ATP2B2: variants seen among roughly 807,000 people sequenced by gnomAD.
ATP2B2 encodes ATPase plasma membrane Ca2+ transporting 2.
ATP2B2 carries 15 observed loss-of-function variants against 120.0 expected under a neutral mutation model. The ratio of observed to expected loss-of-function variants is 0.12; its 90% CI spans 0.08 to 0.19. The LOEUF is 0.19. Among genes scored for constraint, ATP2B2 ranks in the 10% least tolerant of loss-of-function variants. The pLI is 1.00. For missense variants in ATP2B2, 1,045 were observed against 1,719.8 expected (o/e 0.61, Z 6.94); for synonymous variants, 694 against 700.3 (o/e 0.99, Z 0.14).
At chr3:10,472,324 T>C (rs13067215) in intron 1 of ATP2B2, among the ~76,000 whole-genome samples, 21,917 of 151,826 alleles carry the variant, frequency 0.14, 2,202 homozygotes, top group East Asian at 0.42. Context: ...CAAAGATGAG[T>C]TGGGTCTCAG....
chr3:10,612,835 A>C (rs2069279396), intron 2 of ATP2B2, among the ~76,000 whole-genome samples: 1 of 152,228 alleles, frequency 6.6e-6, no homozygotes, highest in Non-Finnish European at 1.5e-5. Context: ...GTTGTATAAT[A>C]AAACTTTGAC....
chr3:10,518,070 T>G (rs1382980652), intron 3 of ATP2B2, among the ~76,000 whole-genome samples: 1 of 152,106 alleles, frequency 6.6e-6, no homozygotes, highest in Non-Finnish European at 1.5e-5. Flanking sequence ...GCTTGAAACC[T>G]CACAGCAAAA....
rs183462317 is a variant in ATP2B2 at position 10,511,628 on chromosome 3, A to G, written c.-320+22411T>C. Reference sequence around the variant, plus strand: ...TTGGGAAGGGTAAAAGGAGACCCCAACTCCACTCAGATCCCACTGCCCAGA... The same window carrying G: ...TTGGGAAGGGTAAAAGGAGACCCCAGCTCCACTCAGATCCCACTGCCCAGA... On this transcript the variant is annotated intron_variant, in intron 3 of 21. Transcript: ENST00000646379. Among the ~76,000 whole-genome samples the G allele has an allele frequency of 3.7e-3, 564 of 152,104 alleles. 8 individuals carry two copies. The highest frequency in any genetic ancestry group is 1.4e-3 in the East Asian group (7 of 5,160).
intron 2 of ATP2B2, among the ~76,000 whole-genome samples, chr3:10,429,892 T>C (rs1327481227): frequency 6.6e-6 from 1 of 152,162 alleles, no homozygotes; most frequent in South Asian, 2.1e-4. Context: ...AAAGTTTGAG[T>C]GGTTTGGATA....
intron 2 of ATP2B2, among the ~76,000 whole-genome samples, chr3:10,535,762 A>G (rs2067301345): frequency 6.6e-6 from 1 of 152,198 alleles, no homozygotes; most frequent in African/African-American, 2.4e-5. Context: ...TTGTTTAACT[A>G]TCAATCAGTG....
At chr3:10,439,611 C>T (rs2063589701) in intron 2 of ATP2B2, among the ~76,000 whole-genome samples, 1 of 152,204 alleles carries the variant, frequency 6.6e-6, no homozygotes, top group African/African-American at 2.4e-5. Flanking sequence ...TGCCCCAACC[C>T]AGGCTTTTGG....
chr3:10,408,540 T>C (rs1471104122), intron 3 of ATP2B2, among the ~76,000 whole-genome samples: 2 of 152,090 alleles, frequency 1.3e-5, no homozygotes. Flanking sequence ...GAAGCTGCCT[T>C]GGACCAGGGG....
At chr3:10,426,687 C>T (rs1457056808) in intron 2 of ATP2B2, among the ~76,000 whole-genome samples, 3 of 152,124 alleles carry the variant, frequency 2.0e-5, no homozygotes, top group African/African-American at 4.8e-5. Flanking sequence ...TACTACTGGG[C>T]GAAAAAGCTG....
chr3:10,456,165 A>G (rs60339066), intron 1 of ATP2B2, among the ~76,000 whole-genome samples: 5,693 of 152,326 alleles, frequency 0.037, 144 homozygotes, highest in Admixed American at 0.064. Context: ...TAAAAAAATA[A>G]ACAAAACAAA....
At position 10,352,619 on chromosome 3, in the gene ATP2B2, G is replaced by A. The variant is rs371803387; in HGVS notation, c.2137-2042C>T. Among the ~76,000 whole-genome samples the A allele has an allele frequency of 1.8e-4, 27 of 152,346 alleles. No homozygotes were observed. The East Asian group carries it at 4.6e-3, about 26-fold the overall frequency. On this transcript the variant is annotated intron_variant, in intron 14 of 22. Coordinates refer to ENST00000360273, the MANE Select transcript of ATP2B2 (RefSeq NM_001001331.4). ...GGGAGAAGCCTTCCAGTGCCCACTC[G>A]GGGTTTGGGGGCCACGTGAGCAAGG...
intron 10 of ATP2B2, among the ~76,000 whole-genome samples, chr3:10,376,518 C>A (rs751938904): frequency 6.6e-6 from 1 of 152,120 alleles, no homozygotes; most frequent in Non-Finnish European, 1.5e-5. Context: ...ACGGTAGGAA[C>A]GCAGCTGGGG....
intron 14 of ATP2B2, among the ~76,000 whole-genome samples, chr3:10,351,493 G>A (rs1271482297): frequency 6.6e-6 from 1 of 152,226 alleles, no homozygotes; most frequent in South Asian, 2.1e-4. Flanking sequence ...CAGCCTGGAA[G>A]GGCTCAGTCT....
At chr3:10,482,671 CCT>C (rs1345704997) in intron 1 of ATP2B2, among the ~76,000 whole-genome samples, 4 of 152,324 alleles carry the variant, frequency 2.6e-5, no homozygotes, top group Non-Finnish European at 4.4e-5. Flanking sequence ...AGGTCTCCCC[CCT>C]GAGGCCTCGC....
chr3:10,586,058 G>A (rs1449616258), intron 2 of ATP2B2, among the ~76,000 whole-genome samples: 1 of 152,150 alleles, frequency 6.6e-6, no homozygotes, highest in Non-Finnish European at 1.5e-5. Context: ...CCATCCTATA[G>A]TGCTGTCCCC....
In ATP2B2 at chr3:10,471,364, CTGTGTGTGTGTGTGTGTGTGTG is replaced by C. The variant is rs58583936; in HGVS notation, c.-319-21524_-319-21503del. On this transcript the variant is annotated intron_variant, in intron 1 of 22. Transcript: ENST00000360273. ...TGGTTTTAAAAGGGGTTCAGGAAAC[CTGTGTGTGTGTGTGTGTGTGTG>C]TGTGTGTGTGTGTTTGTGTGCGTGC... Among the ~76,000 whole-genome samples the C allele has an allele frequency of 2.7e-5, 4 of 150,358 alleles. No homozygotes were observed. In the East Asian group the frequency reaches 5.9e-4, roughly 22 times the overall value.
intron 21 of ATP2B2, chr3:10,338,726 C>T (rs1308012423): frequency 3.1e-5 from 10 of 323,178 alleles, no homozygotes; most frequent in South Asian, 1.1e-4. Flanking sequence ...TTAACCTCAC[C>T]GAGCTTTGGT....
At chr3:10,680,200 C>T (rs986233525) in intron 1 of ATP2B2, among the ~76,000 whole-genome samples, 1 of 152,224 alleles carries the variant, frequency 6.6e-6, no homozygotes, top group African/African-American at 2.4e-5. Context: ...CCAGTTTGCT[C>T]TATGGCCCTA....
At chr3:10,415,063 T>C (rs919490146) in intron 2 of ATP2B2, among the ~76,000 whole-genome samples, 1 of 152,158 alleles carries the variant, frequency 6.6e-6, no homozygotes, top group East Asian at 1.9e-4. Flanking sequence ...AAGCCGGAGC[T>C]GAGGAAACCA....
At chr3:10,330,557 C>T (rs1035785571) in intron 22 of ATP2B2, among the ~76,000 whole-genome samples, 1 of 152,270 alleles carries the variant, frequency 6.6e-6, no homozygotes. Context: ...GGCGTTGGCG[C>T]CTCCAGGACA....
Sources: allele counts gnomAD v4.1 joint callset (sites outside exome capture counted in the v4.1 genomes callset), GRCh38; gene constraint gnomAD v4.1.1; transcripts MANE v1.5; gene names NCBI Gene and HGNC (gene_info 2026-07-23, HGNC 2026-07-21).